The following COL4A6 variants were observed in gnomAD, a reference collection of about 807,000 sequenced individuals.
COL4A6 encodes the protein collagen alpha-6(IV) chain.
A neutral mutation model predicts 126.7 loss-of-function variants in COL4A6; 59 were observed. The ratio of observed to expected loss-of-function variants is 0.47; its 90% confidence interval spans 0.38 to 0.58. The LOEUF (loss-of-function observed/expected upper bound fraction) is 0.58. Among genes scored for constraint, COL4A6 ranks in the 20% least tolerant of loss-of-function variants. The pLI, the probability that COL4A6 is intolerant of heterozygous loss-of-function variation, is 0.00. For missense variants in COL4A6, 1,285 were observed against 1,337.3 expected (o/e 0.96, Z 0.61); for synonymous variants, 547 against 496.6 (o/e 1.10, Z -1.35).
chrX:108,305,352 T>A (rs745691891), intron 3 of COL4A6, among the ~76,000 whole-genome samples: 1 of 112,022 alleles, frequency 8.9e-6, no homozygotes, highest in Admixed American at 9.5e-5. Flanking sequence ...TTTTGTTTTC[T>A]GAAGTGAGGA....
Position 108,165,428 on chromosome X carries a change from G to A in COL4A6, c.3750C>T (p.Pro1250=). The A allele has an allele frequency of 8.3e-7, 1 of 1,207,291 alleles. No individual in the cohort carries two copies. The highest frequency in any genetic ancestry group is 1.1e-6 in the Non-Finnish European group (1 of 894,025). ...CACCAGGCTGTCCTGCTATGAGTGA[G>A]GGCAAGGAGATGCCTGGGGCACCGG... ...GLPGAPGISL[P]SLIAGQPGDP... is the part of the protein sequence containing the mutation. The change falls in exon 38 of 45, where the codon CCC becomes CCT. Residue 1250 remains proline, a synonymous_variant. Transcript: ENST00000334504.
chrX:108,178,807 C>T lies in COL4A6; in HGVS notation c.2392G>A (p.Glu798Lys), dbSNP rs886248508. ...CCTGGTGTCCCAGGGCTGCCCCGCT[C>T]ACCTTTGGGGCCTAGTAAGCCAGGC... ...GKPGLLGPKGERGSPGTPGQV... is the reference protein window; with the variant it reads ...GKPGLLGPKGKRGSPGTPGQV... The change falls in exon 27 of 45, where the codon GAG becomes AAG. Residue 798 changes from glutamate to lysine, a missense_variant. By Grantham distance (56) the Glu-to-Lys change is moderately conservative. Coordinates refer to ENST00000334504, the MANE Select transcript of COL4A6 (RefSeq NM_033641.4). 2 of 1,209,787 alleles carry T rather than the reference C, an allele frequency of 1.7e-6. No homozygotes were observed. Among genetic ancestry groups the T allele is most frequent in the Non-Finnish European group, 2.2e-6 (2 of 895,146 alleles).
chrX:108,163,053 G>A lies in COL4A6; in HGVS notation c.4070-15C>T, dbSNP rs1297782200. ...GCCAGAAGAGCCTGTGGGCAGGTGGGGGAAATAAGAACATCAGGCTGAGGC... is the reference window on the plus strand; with the variant it reads ...GCCAGAAGAGCCTGTGGGCAGGTGGAGGAAATAAGAACATCAGGCTGAGGC... On this transcript the variant is annotated splice_polypyrimidine_tract_variant and intron_variant, in intron 40 of 44. Coordinates refer to ENST00000334504, the MANE Select transcript of COL4A6 (RefSeq NM_033641.4). 2.7e-5 allele frequency: 32 copies of A among 1,186,515 alleles called. No homozygotes were observed. The highest frequency in any genetic ancestry group is 3.6e-5 in the Non-Finnish European group (32 of 886,716).
intron 2 of COL4A6, among the ~76,000 whole-genome samples, chrX:108,433,712 C>T (rs1026326540): frequency 9.0e-6 from 1 of 110,685 alleles, no homozygotes; most frequent in Non-Finnish European, 1.9e-5. Context: ...TTTGTAGAGA[C>T]GGAGTTTCAC....
chrX:108,257,414 G>A (rs1231438426), intron 3 of COL4A6, among the ~76,000 whole-genome samples: 1 of 111,561 alleles, frequency 9.0e-6, no homozygotes, highest in Non-Finnish European at 1.9e-5. Context: ...GTCCATCACT[G>A]CACTTGAGCC....
At chrX:108,175,519 A>G in intron 29 of COL4A6, 135 bp downstream of exon 29, 1 of 725,240 alleles carries the variant, frequency 1.4e-6, no homozygotes, top group Middle Eastern at 3.4e-4. Flanking sequence ...GTTTAAAAGG[A>G]CTTAATTCAG....
chrX:108,225,103 G>A (rs1156770261), intron 3 of COL4A6, among the ~76,000 whole-genome samples: 1 of 111,063 alleles, frequency 9.0e-6, no homozygotes, highest in East Asian at 2.9e-4. Context: ...AGGTCACGTA[G>A]CTAGTAGGAA....
chrX:108,328,248 C>T (rs2039211054), intron 2 of COL4A6, among the ~76,000 whole-genome samples: 1 of 111,232 alleles, frequency 9.0e-6, no homozygotes, highest in African/African-American at 3.3e-5. Context: ...TAGATATCAA[C>T]AGCTGCTAGT....
intron 3 of COL4A6, among the ~76,000 whole-genome samples, chrX:108,239,029 C>A (rs1278828534): frequency 8.9e-6 from 1 of 112,055 alleles, no homozygotes; most frequent in African/African-American, 3.2e-5. Context: ...TATGCTTTTC[C>A]CATTTTAACA....
At chrX:108,210,107 C>T in intron 7 of COL4A6, 103 bp from the exon 8 acceptor site, 3 of 763,861 alleles carry the variant, frequency 3.9e-6, no homozygotes, top group Non-Finnish European at 5.7e-6. Context: ...ATCTCTGAAC[C>T]TTGGGCCTCC....
chrX:108,407,227 G>T (rs781315089), intron 2 of COL4A6, among the ~76,000 whole-genome samples: 12 of 112,048 alleles, frequency 1.1e-4, no homozygotes, highest in Non-Finnish European at 1.9e-4. Context: ...AATGTTTGTT[G>T]CCTCTCCCTT....
At chrX:108,433,776 G>A (rs964024262) in intron 2 of COL4A6, among the ~76,000 whole-genome samples, 2 of 111,059 alleles carry the variant, frequency 1.8e-5, no homozygotes, top group Admixed American at 1.9e-4. Context: ...CACCTACCTC[G>A]GCCTCCCAAA....
rs1468738776 is a variant in COL4A6, at chrX:108,178,730, C to T, written c.2469G>A (p.Lys823=). 1 of 1,211,613 alleles carries T rather than the reference C, an allele frequency of 8.3e-7. No homozygotes were observed. Residue 823 remains lysine (K), a synonymous_variant, in exon 27 of 45, where the codon AAG becomes AAA. Transcript: ENST00000334504. ...TPGSSGPYGI[K]GKSGLPGAPG... ...GTGCTCCTGGGAGCCCAGATTTGCCCTTGATGCCATATGGACCACTAGATC... is the reference window on the plus strand; with the variant it reads ...GTGCTCCTGGGAGCCCAGATTTGCCTTTGATGCCATATGGACCACTAGATC...
intron 42 of COL4A6, 79 bp downstream of exon 42, chrX:108,161,540 G>T: frequency 1.6e-6 from 1 of 618,459 alleles, no homozygotes; most frequent in Non-Finnish European, 2.6e-6. Flanking sequence ...CAGACTTGAA[G>T]TTTTACTCAC....
chrX:108,316,684 C>T (rs891483579), intron 2 of COL4A6, among the ~76,000 whole-genome samples: 8 of 111,860 alleles, frequency 7.2e-5, no homozygotes, highest in Non-Finnish European at 1.5e-4. Context: ...TCAGGTGATT[C>T]TGATGCACAT....
At chrX:108,327,098 G>A (rs1247837601) in intron 2 of COL4A6, among the ~76,000 whole-genome samples, 1 of 111,125 alleles carries the variant, frequency 9.0e-6, no homozygotes, top group Non-Finnish European at 1.9e-5. Flanking sequence ...GGCCTGTTAG[G>A]AACTGGGCCG....
chrX:108,311,830 C>CACTG (rs754966566), intron 2 of COL4A6, among the ~76,000 whole-genome samples: 1 of 111,844 alleles, frequency 8.9e-6, no homozygotes, highest in South Asian at 3.7e-4. Flanking sequence ...TTTTGTCCAA[C>CACTG]ACTGCATCTC....
intron 2 of COL4A6, among the ~76,000 whole-genome samples, chrX:108,432,979 T>C (rs1017051676): frequency 2.7e-5 from 3 of 112,049 alleles, no homozygotes; most frequent in South Asian, 7.6e-4. Context: ...GGTTTGGTAA[T>C]TAGGCAGCCA....
In COL4A6 at chrX:108,203,110, G is replaced by A. The variant is rs2035434684; in HGVS notation, c.781-129C>T. The A allele has an allele frequency of 7.4e-6, 4 of 544,175 alleles. No homozygotes were observed. In the South Asian group the frequency reaches 1.2e-4, roughly 16 times the overall value. 44.8% of individuals were successfully genotyped at this position (544,175 alleles called of 1,213,427 possible). ...AGTATCAAGATTAGGGTAGCAGAGAGTGGTGCAGATTCCCCAGGCTCCCTA... is the reference window on the plus strand; with the variant it reads ...AGTATCAAGATTAGGGTAGCAGAGAATGGTGCAGATTCCCCAGGCTCCCTA... On this transcript the variant is annotated intron_variant, in intron 12 of 44. Coordinates refer to ENST00000334504, the MANE Select transcript of COL4A6 (RefSeq NM_033641.4).
Sources: gnomAD v4.1 joint callset for allele counts (sites outside exome capture counted in the v4.1 genomes callset) on GRCh38, gnomAD v4.1.1 for gene constraint, MANE v1.5 for transcripts, NCBI Gene and HGNC (gene_info 2026-07-23, HGNC 2026-07-21) for gene names.